Variants in CCDC144A observed in about 807,000 individuals in gnomAD.
CCDC144A encodes the protein coiled-coil domain containing 144A.
CCDC144A carries 41 observed loss-of-function variants against 143.8 expected under a neutral mutation model. The ratio of observed to expected loss-of-function variants is 0.29; its 90% CI spans 0.22 to 0.37. CCDC144A has a LOEUF of 0.37. Ranked by LOEUF, CCDC144A falls within the 10% of genes least tolerant of loss-of-function variation. CCDC144A has a pLI of 1.00. For synonymous variants in CCDC144A, 242 were observed against 517.9 expected (o/e 0.47, Z 7.23); for missense variants, 637 against 1,488.8 (o/e 0.43, Z 9.41).
At chr17:16,720,325 C>A in intron 7 of CCDC144A, 94 bp downstream of exon 7, 1 of 1,490,500 alleles carries the variant, frequency 6.7e-7, no homozygotes, top group Non-Finnish European at 8.9e-7. Context: ...TGTTGTAAGG[C>A]TGTTTGCTTA....
chr17:16,700,284 A>G (rs1488917692), intron 2 of CCDC144A, among the ~76,000 whole-genome samples: 2 of 152,208 alleles, frequency 1.3e-5, no homozygotes, highest in Non-Finnish European at 2.9e-5. Flanking sequence ...TTGATGACAC[A>G]TGTGCAATGT....
intron 2 of CCDC144A, among the ~76,000 whole-genome samples, chr17:16,700,678 C>T (rs2621626): frequency 0.011 from 1,617 of 152,250 alleles, 37 homozygotes; most frequent in African/African-American, 0.037. Context: ...AATAATATGA[C>T]AGACCATAAC....
intron 9 of CCDC144A, among the ~76,000 whole-genome samples, chr17:16,730,512 A>G (rs1202696043): frequency 7.5e-6 from 1 of 132,478 alleles, no homozygotes; most frequent in Non-Finnish European, 1.5e-5. Flanking sequence ...TACGTCCTCT[A>G]ATTCTGTGAA....
chr17:16,676,575 T>G, the CCDC144A span, among the ~76,000 whole-genome samples: 1 of 152,034 alleles, frequency 6.6e-6, no homozygotes, highest in Non-Finnish European at 1.5e-5. Flanking sequence ...AAATAGCATT[T>G]TGACTTATAA....
upstream of CCDC144A, among the ~76,000 whole-genome samples, chr17:16,689,297 G>A (rs564578538): frequency 2.0e-5 from 3 of 152,190 alleles, no homozygotes; most frequent in East Asian, 5.8e-4. Flanking sequence ...CCGGGTTCAA[G>A]AGATTCTCCT....
the CCDC144A span, among the ~76,000 whole-genome samples, chr17:16,682,594 G>GA: frequency 1.4e-3 from 209 of 151,940 alleles, 5 homozygotes; most frequent in East Asian, 0.037. Context: ...GTAAAGGTGA[G>GA]AAAAAAACAG....
intron 2 of CCDC144A, among the ~76,000 whole-genome samples, chr17:16,701,687 G>A (rs987094205): frequency 4.0e-5 from 6 of 150,980 alleles, no homozygotes; most frequent in South Asian, 2.1e-4. Flanking sequence ...TTGTCCTTGC[G>A]TTTGTTTTCC....
upstream of CCDC144A, among the ~76,000 whole-genome samples, chr17:16,687,601 G>T (rs1051586766): frequency 6.6e-6 from 1 of 152,048 alleles, no homozygotes; most frequent in African/African-American, 2.4e-5. Context: ...ACATTACGGA[G>T]ACTCCCTTAG....
upstream of CCDC144A, among the ~76,000 whole-genome samples, chr17:16,685,835 C>T (rs981250918): frequency 7.3e-5 from 11 of 150,598 alleles, no homozygotes; most frequent in Non-Finnish European, 1.6e-4. Flanking sequence ...GGAATGGTGC[C>T]GTCTCAGCTC....
At position 16,690,313 on chromosome 17, in the gene CCDC144A, T is replaced by C; in HGVS notation, c.-88T>C. Reference sequence around the variant, plus strand: ...GTGGCAGTGATCGCTTGGCTTGGCATTTCTGGCTTGGCGGTCCTCCTTTCG... The same window carrying C: ...GTGGCAGTGATCGCTTGGCTTGGCACTTCTGGCTTGGCGGTCCTCCTTTCG... On this transcript the variant is annotated 5_prime_UTR_variant, in exon 1 of 17. Coordinates refer to ENST00000399273, the MANE Select transcript of CCDC144A (RefSeq NM_001382000.1). 1 of 1,074,380 alleles carries C rather than the reference T, an allele frequency of 9.3e-7. No individual in the cohort carries two copies. Among genetic ancestry groups the C allele is most frequent in the South Asian group, 1.8e-5 (1 of 56,136 alleles). 66.6% of individuals were successfully genotyped at this position (1,074,380 alleles called of 1,614,324 possible).
chr17:16,711,130 T>G (rs1337918717), intron 5 of CCDC144A, among the ~76,000 whole-genome samples: 1 of 31,738 alleles, frequency 3.2e-5, no homozygotes, highest in Non-Finnish European at 5.6e-5. Context: ...ATCCCAGGAT[T>G]CAAATGAAAA....
the CCDC144A span, chr17:16,683,526 A>C: frequency 5.2e-6 from 8 of 1,534,758 alleles, no homozygotes; most frequent in South Asian, 9.0e-5. Flanking sequence ...CTATGCCGTG[A>C]GGAGGGGCGG....
At position 16,750,789 on chromosome 17, in the gene CCDC144A, G is replaced by A. The variant is rs1214699824; in HGVS notation, c.3373-10636G>A. 2.0e-5 allele frequency among the ~76,000 whole-genome samples: 3 copies of A among 151,936 alleles called. No homozygotes were observed. In the East Asian group the frequency reaches 5.8e-4, roughly 29 times the overall value. On this transcript the variant is annotated intron_variant, in intron 12 of 16. Coordinates refer to ENST00000399273, the MANE Select transcript of CCDC144A (RefSeq NM_001382000.1). ...CTGACTGGGCTGACTCAAAAGACTG[G>A]TCTTTGAGCTCTGTAATCCTTCCCT... is the stretch of plus-strand genomic sequence containing the variant.
At chr17:16,679,311 T>C in the CCDC144A span, among the ~76,000 whole-genome samples, 1 of 152,252 alleles carries the variant, frequency 6.6e-6, no homozygotes, top group South Asian at 2.1e-4. Context: ...AATTTGTTTC[T>C]CTAAGGGACT....
At chr17:16,700,460 A>C (rs1911671105) in intron 2 of CCDC144A, among the ~76,000 whole-genome samples, 2 of 152,138 alleles carry the variant, frequency 1.3e-5, no homozygotes, top group South Asian at 4.1e-4. Flanking sequence ...GTTTAGGCAC[A>C]GTGAGCCACT....
chr17:16,757,518 G>T (rs1352803245), intron 12 of CCDC144A, among the ~76,000 whole-genome samples: 3 of 152,240 alleles, frequency 2.0e-5, no homozygotes, highest in African/African-American at 7.2e-5. Flanking sequence ...CTGCTCCTCA[G>T]GGTCCTGGAC....
rs199543560 is a variant in CCDC144A at position 16,720,563 on chromosome 17, A to G, written c.1796A>G (p.Glu599Gly). 1.2e-3 allele frequency: 2,008 copies of G among 1,609,534 alleles called. 23 individuals are homozygous for G. In the African/African-American group the frequency reaches 0.023, roughly 19 times the overall value. The change falls in exon 8 of 17, where the codon GAG becomes GGG. Residue 599 changes from glutamate to glycine, a missense_variant. Physicochemically the swap from Glu to Gly is moderately conservative, Grantham distance 98. Coordinates refer to ENST00000399273, the MANE Select transcript of CCDC144A (RefSeq NM_001382000.1). Reference protein sequence around the residue: ...YPEADFADSMEPSEIASEDCE... With the variant: ...YPEADFADSMGPSEIASEDCE... ...GAGGCTGACTTTGCTGACTCAATGG[A>G]GCCATCTGAAATAGCCTCAGAGGAT...
intron 2 of CCDC144A, among the ~76,000 whole-genome samples, chr17:16,700,646 A>C (rs1238599529): frequency 6.6e-6 from 1 of 152,224 alleles, no homozygotes; most frequent in Non-Finnish European, 1.5e-5. Context: ...GTTATCTTAA[A>C]ATTTTATATA....
chr17:16,690,111 G>GCGCCA (rs374737871), upstream of CCDC144A: 20,332 of 257,388 alleles, frequency 0.079, 1,705 homozygotes, highest in South Asian at 0.25. Context: ...TGGAGCTGCA[G>GCGCCA]CGCCACCTGC....
Sources: allele counts gnomAD v4.1 joint callset (sites outside exome capture counted in the v4.1 genomes callset), GRCh38; gene constraint gnomAD v4.1.1; transcripts MANE v1.5; gene names NCBI Gene and HGNC (gene_info 2026-07-23, HGNC 2026-07-21).